Variants in PPFIA2 observed in about 807,000 individuals in gnomAD.
PPFIA2 encodes liprin-alpha-2.
In PPFIA2, 46 loss-of-function variants were observed where a neutral mutation model predicts 175.5. That is an observed-to-expected ratio of 0.26 (90% CI 0.21 to 0.34). The LOEUF (loss-of-function observed/expected upper bound fraction) is 0.34. Ranked by LOEUF, PPFIA2 falls within the 10% of genes least tolerant of loss-of-function variation. The pLI is 1.00. For synonymous variants in PPFIA2, 568 were observed against 511.4 expected, an observed-to-expected ratio of 1.11 and a Z score of -1.49; for missense variants, 1,179 against 1,506.1, an observed-to-expected ratio of 0.78 and a Z score of 3.60.
At chr12:81,708,099 C>T (rs1008156967) in intron 3 of PPFIA2, among the ~76,000 whole-genome samples, 2 of 150,420 alleles carry the variant, frequency 1.3e-5, no homozygotes, top group Non-Finnish European at 1.5e-5. Flanking sequence ...GTGCAGCGCA[C>T]CAGCATGTCA....
intron 21 of PPFIA2, among the ~76,000 whole-genome samples, chr12:81,336,221 A>G (rs1402928084): frequency 6.6e-6 from 1 of 152,220 alleles, no homozygotes; most frequent in Non-Finnish European, 1.5e-5. Context: ...TAACCATTTG[A>G]AAAGGATGTC....
At chr12:81,363,801 T>A in intron 14 of PPFIA2, among the ~76,000 whole-genome samples, 1 of 151,902 alleles carries the variant, frequency 6.6e-6, no homozygotes, top group Non-Finnish European at 1.5e-5. Context: ...AGACATATAA[T>A]TTCAAAACAC....
intron 3 of PPFIA2, among the ~76,000 whole-genome samples, chr12:81,697,671 C>T (rs1336619471): frequency 5.3e-5 from 8 of 152,050 alleles, no homozygotes; most frequent in Non-Finnish European, 1.5e-5. Flanking sequence ...AAAAACTTTT[C>T]CAAAATGTTA....
intron 4 of PPFIA2, among the ~76,000 whole-genome samples, chr12:81,592,922 A>T (rs1220086659): frequency 2.0e-5 from 3 of 151,684 alleles, no homozygotes; most frequent in Admixed American, 6.6e-5. Flanking sequence ...TGCCCAGCTA[A>T]TTTTTTTGTA....
chr12:81,507,221 C>A (rs755836104), intron 4 of PPFIA2, among the ~76,000 whole-genome samples: 74 of 152,078 alleles, frequency 4.9e-4, no homozygotes, highest in Non-Finnish European at 8.7e-4. Context: ...TCTTTCCAGA[C>A]AAATCCGCTT....
intron 4 of PPFIA2, among the ~76,000 whole-genome samples, chr12:81,530,834 T>C (rs948507709): frequency 1.3e-5 from 2 of 151,970 alleles, no homozygotes; most frequent in African/African-American, 4.8e-5. Context: ...TGCAATGTTT[T>C]AGACATTCTG....
chr12:81,306,358 G>C, intron 22 of PPFIA2, among the ~76,000 whole-genome samples: 1 of 152,036 alleles, frequency 6.6e-6, no homozygotes, highest in African/African-American at 2.4e-5. Flanking sequence ...ACTGTATTTT[G>C]CTGTGATTCA....
intron 4 of PPFIA2, among the ~76,000 whole-genome samples, chr12:81,540,019 C>T (rs2065964868): frequency 6.6e-6 from 1 of 151,800 alleles, no homozygotes; most frequent in African/African-American, 2.4e-5. Flanking sequence ...GTTTGTTTAT[C>T]TGCAAGAATT....
At chr12:81,450,609 A>G (rs954322428) in intron 5 of PPFIA2, among the ~76,000 whole-genome samples, 2 of 151,726 alleles carry the variant, frequency 1.3e-5, no homozygotes, top group African/African-American at 2.4e-5. Flanking sequence ...CTCTGATGGT[A>G]TTTTCTTTTG....
chr12:81,432,827 C>G (rs184087815), intron 7 of PPFIA2, among the ~76,000 whole-genome samples: 1 of 152,190 alleles, frequency 6.6e-6, no homozygotes. Flanking sequence ...TGCCTGGCAA[C>G]TGGAAGATGC....
chr12:81,356,566 G>A (rs1437166584), intron 16 of PPFIA2, among the ~76,000 whole-genome samples: 1 of 152,068 alleles, frequency 6.6e-6, no homozygotes, highest in African/African-American at 2.4e-5. Context: ...GGGAGGCTGA[G>A]ATGGGAGGAT....
chr12:81,446,604 A>G (rs1373830070), intron 5 of PPFIA2, among the ~76,000 whole-genome samples: 2 of 152,214 alleles, frequency 1.3e-5, no homozygotes, highest in Non-Finnish European at 2.9e-5. Flanking sequence ...GGTGAGCATT[A>G]TAGGAAAGGT....
chr12:81,273,219 GTATAAAT>G (rs1372703478), intron 28 of PPFIA2, among the ~76,000 whole-genome samples: 1 of 151,992 alleles, frequency 6.6e-6, no homozygotes, highest in Non-Finnish European at 1.5e-5. Flanking sequence ...GAGGAGTATT[GTATAAAT>G]GGTCAGTCTT....
chr12:81,660,122 A>G (rs1331768792), intron 4 of PPFIA2, among the ~76,000 whole-genome samples: 2 of 152,184 alleles, frequency 1.3e-5, no homozygotes, highest in Non-Finnish European at 2.9e-5. Flanking sequence ...AAAACTGAAA[A>G]TTCTAAAAAT....
At position 81,389,992 on chromosome 12, in the gene PPFIA2, C is replaced by A. The variant is rs191299497; in HGVS notation, c.763-5748G>T. Among the ~76,000 whole-genome samples the A allele has an allele frequency of 5.8e-3, 886 of 152,166 alleles. 8 individuals are homozygous for A. Among genetic ancestry groups the A allele is most frequent in the African/African-American group, 0.021 (853 of 41,554 alleles). The stretch of plus-strand genomic sequence containing the variant: ...CAACCACTAACTACTTTCTGTCATA[C>A]AGATTCGCAGTTCTGGACTTTTCAC... On this transcript the variant is annotated intron_variant, in intron 8 of 32. Transcript: ENST00000549396.
At chr12:81,672,221 C>T (rs1272170858) in intron 4 of PPFIA2, among the ~76,000 whole-genome samples, 2 of 151,866 alleles carry the variant, frequency 1.3e-5, no homozygotes, top group African/African-American at 4.8e-5. Flanking sequence ...GGACACGATT[C>T]AGATTAATAT....
At chr12:81,603,795 C>CT (rs778778946) in intron 4 of PPFIA2, among the ~76,000 whole-genome samples, 3 of 137,072 alleles carry the variant, frequency 2.2e-5, no homozygotes, top group Non-Finnish European at 4.6e-5. Context: ...AGTAGAATAC[C>CT]TTTTTCAAGG....
chr12:81,744,566 G>A (rs1844906337), intron 3 of PPFIA2, among the ~76,000 whole-genome samples: 1 of 152,012 alleles, frequency 6.6e-6, no homozygotes, highest in Non-Finnish European at 1.5e-5. Context: ...GTGATTACAG[G>A]TGCCTGCTAC....
intron 3 of PPFIA2, among the ~76,000 whole-genome samples, chr12:81,722,246 A>C (rs1568005097): frequency 6.6e-6 from 1 of 151,152 alleles, no homozygotes. Context: ...AATCTTAACA[A>C]AAAAATCAAG....
Sources: gnomAD v4.1 joint callset for allele counts (sites outside exome capture counted in the v4.1 genomes callset) on GRCh38, gnomAD v4.1.1 for gene constraint, MANE v1.5 for transcripts, NCBI Gene and HGNC (gene_info 2026-07-23, HGNC 2026-07-21) for gene names.